TNFSF14: variants seen among roughly 807,000 people sequenced by gnomAD.
TNFSF14 encodes the protein TNF superfamily member 14, also known as tumor necrosis factor ligand superfamily member 14.
TNFSF14 carries 15 observed loss-of-function variants against 22.7 expected under a neutral mutation model. The ratio of observed to expected loss-of-function variants is 0.66; its 90% CI spans 0.44 to 1.02. The LOEUF (loss-of-function observed/expected upper bound fraction) is 1.02, where lower values mean the gene tolerates loss of function less well. TNFSF14 is among the 50% of genes least tolerant of loss of function. The pLI is 0.00. For missense variants in TNFSF14, 287 were observed against 326.2 expected (o/e 0.88, Z 0.93); for synonymous variants, 133 against 139.6 (o/e 0.95, Z 0.33).
chr19:6,670,177 G>A, upstream of TNFSF14: 3 of 1,499,872 alleles, frequency 2.0e-6, no homozygotes, highest in South Asian at 2.6e-5. Context: ...AGGCACCCGT[G>A]GGCCGCCTTT....
chr19:6,665,259 A>G lies in TNFSF14; in HGVS notation c.390T>C (p.Asp130=). 1 of 1,613,860 alleles carries G rather than the reference A, an allele frequency of 6.2e-7. No individual in the cohort carries two copies. ...LAFLRGLSYH[D]GALVVTKAGY... Reference sequence around the variant, plus strand: ...CAGCTTTGGTGACCACAAGGGCCCCATCGTGGTAGCTGAGGCCCCTCAGGA... The same window carrying G: ...CAGCTTTGGTGACCACAAGGGCCCCGTCGTGGTAGCTGAGGCCCCTCAGGA... The change falls in exon 4 of 4, where the codon GAT becomes GAC. Residue 130 remains aspartate (D), a synonymous_variant. Transcript: ENST00000675206.
intron 1 of TNFSF14, among the ~76,000 whole-genome samples, chr19:6,669,203 G>T (rs913503322): frequency 3.3e-5 from 5 of 152,142 alleles, no homozygotes; most frequent in Non-Finnish European, 5.9e-5. Context: ...ACCAGAGAAG[G>T]CCAGGCGCAG....
At position 6,664,819 on chromosome 19, in the gene TNFSF14, C is replaced by A; in HGVS notation, c.*107G>T. 2 of 1,420,712 alleles carry A rather than the reference C, an allele frequency of 1.4e-6. No homozygotes were observed. The highest frequency in any genetic ancestry group is 1.9e-6 in the Non-Finnish European group (2 of 1,057,796). The allele number at this position is 1,420,712 out of a possible 1,614,324, so 88.0% of individuals were successfully genotyped here. The stretch of plus-strand genomic sequence containing the variant: ...CCTCCCAAAGTGCTGGGATTACAGG[C>A]GAGAGCCACCACGCCCAGCCTCTGC... On this transcript the variant is annotated 3_prime_UTR_variant, in exon 4 of 4. Coordinates refer to ENST00000675206, the MANE Select transcript of TNFSF14 (RefSeq NM_001376887.1). This position sits in a 1 kb window ranked among gnomAD's most constrained non-coding sequence, Gnocchi z 4.7.
intron 1 of TNFSF14, 22 bp from the exon 2 acceptor site, chr19:6,667,471 G>T: frequency 1.3e-6 from 2 of 1,572,854 alleles, no homozygotes; most frequent in Non-Finnish European, 1.7e-6. Flanking sequence ...GAAGGGGCCT[G>T]CGGTAAGAAC....
At chr19:6,668,117 T>C (rs1337618146) in intron 1 of TNFSF14, among the ~76,000 whole-genome samples, 2 of 152,090 alleles carry the variant, frequency 1.3e-5, no homozygotes, top group Non-Finnish European at 2.9e-5. Context: ...ATCCCAGCAC[T>C]TTGGGAGGCC....
rs200500399 is a variant in TNFSF14, at chr19:6,667,048, G to A, written c.298+65C>T. 1.5e-4 allele frequency: 230 copies of A among 1,579,772 alleles called. 1 individual carries two copies. The highest frequency in any genetic ancestry group is 9.5e-5 in the Non-Finnish European group (109 of 1,153,134). The stretch of plus-strand genomic sequence containing the variant: ...GAATGAATACACTGATATGTATGGC[G>A]TTTATCTGGTCTTCCCGAGACGCCC... On this transcript the variant is annotated intron_variant, in intron 3 of 3. Coordinates refer to ENST00000675206, the MANE Select transcript of TNFSF14 (RefSeq NM_001376887.1).
intron 3 of TNFSF14, 65 bp downstream of exon 3, chr19:6,667,048 G>C: frequency 6.3e-7 from 1 of 1,579,896 alleles, no homozygotes; most frequent in Non-Finnish European, 8.7e-7. Flanking sequence ...TATGTATGGC[G>C]TTTATCTGGT....
chr19:6,665,091 G>A lies in TNFSF14; in HGVS notation c.558C>T (p.Pro186=), dbSNP rs148090361. ...GGGAGCTGCTGGTGGCCCGTCCGCA[G>A]GGTGACTGCTGGCTGACCAACAGCT... ...ELELLVSQQS[P]CGRATSSSRV... Residue 186 remains proline, a synonymous_variant, in exon 4 of 4, where the codon CCC becomes CCT. Coordinates refer to ENST00000675206, the MANE Select transcript of TNFSF14 (RefSeq NM_001376887.1). 1.4e-4 allele frequency: 220 copies of A among 1,613,940 alleles called. 2 individuals are homozygous for A. The highest frequency in any genetic ancestry group is 9.4e-4 in the South Asian group (86 of 91,090).
rs188440673 is a variant in TNFSF14 at position 6,663,115 on chromosome 19, G to T, written c.*1811C>A. 6.6e-6 allele frequency: 1 copy of T among 152,308 alleles called. No homozygotes were observed. The highest frequency in any genetic ancestry group is 6.5e-5 in the Admixed American group (1 of 15,298). The allele number at this position is 152,308 out of a possible 1,614,324, so 9.4% of individuals were successfully genotyped here. ...ATTCCTCTCCACCCTTCTTCAGTTT[G>T]TTCCCCTAAGAACTAGACAGATCCA... On this transcript the variant is annotated 3_prime_UTR_variant, in exon 4 of 4. Coordinates refer to ENST00000675206, the MANE Select transcript of TNFSF14 (RefSeq NM_001376887.1).
chr19:6,665,623 G>A (rs1443145091), intron 3 of TNFSF14, among the ~76,000 whole-genome samples: 5 of 152,056 alleles, frequency 3.3e-5, no homozygotes, highest in Admixed American at 2.0e-4. Flanking sequence ...TGCTGAGGCT[G>A]GTCTTGAACT....
intron 3 of TNFSF14, among the ~76,000 whole-genome samples, chr19:6,666,631 C>A (rs1037725221): frequency 2.0e-5 from 3 of 152,170 alleles, no homozygotes; most frequent in Admixed American, 2.0e-4. Context: ...CCCGGTGGCT[C>A]ACGCCTGTAA....
chr19:6,669,568 G>A (rs1917533694), intron 1 of TNFSF14, among the ~76,000 whole-genome samples: 1 of 152,140 alleles, frequency 6.6e-6, no homozygotes, highest in South Asian at 2.1e-4. Flanking sequence ...CCGACGGGTG[G>A]AGCTGGCATC....
At chr19:6,667,535 G>A in intron 1 of TNFSF14, 86 bp from the exon 2 acceptor site, 1 of 1,435,282 alleles carries the variant, frequency 7.0e-7, no homozygotes, top group South Asian at 1.4e-5. Flanking sequence ...GAGACATGAG[G>A]ACCATAGCCA....
rs1917373285 is a variant in TNFSF14, at chr19:6,665,154, G to A, written c.495C>T (p.Gly165=). 6 of 1,613,966 alleles carry A rather than the reference G, an allele frequency of 3.7e-6. No homozygotes were observed. Among genetic ancestry groups the A allele is most frequent in the Non-Finnish European group, 5.1e-6 (6 of 1,179,994 alleles). ...GGTAGCGGGGTGTGCGCTTGTAGAG[G>A]CCGTGGGTGATGGTGCTGGCCAGGC... ...PLGLASTITH[G]LYKRTPRYPE... is the part of the protein sequence containing the mutation. Residue 165 remains glycine, a synonymous_variant, in exon 4 of 4, where the codon GGC becomes GGT. Transcript: ENST00000675206.
Position 6,667,464 on chromosome 19 carries a change from G to A in TNFSF14, c.220-15C>T. 6.4e-7 allele frequency: 1 copy of A among 1,570,000 alleles called. No individual in the cohort carries two copies. Among genetic ancestry groups the A allele is most frequent in the African/African-American group, 1.4e-5 (1 of 71,686 alleles). ...GCAGGTCCGTCCTGAAAATGCAGAA[G>A]GGGCCTGCGGTAAGAACCTGCAGCG... On this transcript the variant is annotated splice_polypyrimidine_tract_variant and intron_variant, in intron 1 of 3. Coordinates refer to ENST00000675206, the MANE Select transcript of TNFSF14 (RefSeq NM_001376887.1).
In TNFSF14 at chr19:6,669,964, C is replaced by T. The variant is rs1399125496; in HGVS notation, c.106G>A (p.Ala36Thr). Reference protein sequence around the residue: ...RSHRRQSCSVARVGLGLLLLL... With the variant: ...RSHRRQSCSVTRVGLGLLLLL... ...AGCAAGAGACCCAGACCCACCCGGG[C>T]CACACTGCACGACTGTCTCCGGTGG... The change falls in exon 1 of 4, where the codon GCC becomes ACC. Residue 36 changes from alanine (A) to threonine (T), a missense_variant. Transcript: ENST00000675206. 1.2e-6 allele frequency: 2 copies of T among 1,614,012 alleles called. No homozygotes were observed.
Position 6,667,537 on chromosome 19 carries a change from C to T in TNFSF14, c.220-88G>A, listed in dbSNP as rs555932830. 37 of 1,410,684 alleles carry T rather than the reference C, an allele frequency of 2.6e-5. No homozygotes were observed. In the South Asian group the frequency reaches 5.0e-4, roughly 19 times the overall value. 87.4% of individuals were successfully genotyped at this position (1,410,684 alleles called of 1,614,324 possible). On this transcript the variant is annotated intron_variant, in intron 1 of 3. Transcript: ENST00000675206. ...CACACATGGCTATGAGACATGAGGA[C>T]CATAGCCACCGACACCACCCTCAGA... is the stretch of plus-strand genomic sequence containing the variant.
intron 3 of TNFSF14, among the ~76,000 whole-genome samples, chr19:6,665,996 C>T (rs539392329): frequency 5.9e-5 from 9 of 152,148 alleles, no homozygotes; most frequent in East Asian, 3.9e-4. Context: ...AACTGAGGCA[C>T]AGGGAAGCAA....
At chr19:6,665,471 T>C (rs1474140014) in intron 3 of TNFSF14, 121 bp from the exon 4 acceptor site, 12 of 1,111,336 alleles carry the variant, frequency 1.1e-5, no homozygotes, top group Non-Finnish European at 1.4e-5. Flanking sequence ...TGTGGTGGCA[T>C]GATCTCGGCT....
Sources: gnomAD v4.1 joint callset for allele counts (sites outside exome capture counted in the v4.1 genomes callset) on GRCh38, gnomAD v4.1.1 for gene constraint, Gnocchi (gnomAD v3.1) non-coding constraint, MANE v1.5 for transcripts, NCBI Gene and HGNC (gene_info 2026-07-23, HGNC 2026-07-21) for gene names.